The following BRCA2 variants were observed in gnomAD, a reference collection of about 807,000 sequenced individuals.
BRCA2 encodes the protein breast cancer type 2 susceptibility protein.
A neutral mutation model predicts 276.7 loss-of-function variants in BRCA2; 203 were observed. That is an observed-to-expected ratio of 0.73 (90% CI 0.65 to 0.82). The LOEUF (loss-of-function observed/expected upper bound fraction) is 0.82, where lower values mean the gene tolerates loss of function less well. Among genes scored for constraint, BRCA2 ranks in the 40% least tolerant of loss-of-function variants. The probability of loss-of-function intolerance (pLI) is 0.00; values close to 1 mark genes in which losing one functional copy is unlikely to be tolerated. For missense variants in BRCA2, 3,920 were observed against 3,915.0 expected (o/e 1.00, Z -0.03); for synonymous variants, 1,289 against 1,338.4 (o/e 0.96, Z 0.81).
rs55777417 is a variant in BRCA2, at chr13:32,349,216, CAAAA to C, written c.7007+2340_7007+2343del. ...TGGGTGACAGAGTGAGACTCTGTCTCAAAAAAAAAAAAAAAAAAAAAAAGATGGT... is the reference window on the plus strand; with the variant it reads ...TGGGTGACAGAGTGAGACTCTGTCTCAAAAAAAAAAAAAAAAAAAGATGGT... On this transcript the variant is annotated intron_variant, in intron 13 of 26. Coordinates refer to ENST00000380152, the MANE Select transcript of BRCA2 (RefSeq NM_000059.4). Among the ~76,000 whole-genome samples the C allele has an allele frequency of 2.6e-3, 252 of 98,182 alleles. 1 individual carries two copies. The highest frequency in any genetic ancestry group is 0.01 in the African/African-American group (238 of 23,140). The allele number at this position is 98,182 out of a possible 152,430, so 64.4% of individuals were successfully genotyped here. A position where few individuals can be genotyped will look rare whatever the true frequency, so the allele number is the denominator to read the frequency against.
At position 32,379,874 on chromosome 13, in the gene BRCA2, G is replaced by C. The variant is rs1359207910; in HGVS notation, c.9078G>C (p.Gln3026His). The C allele has an allele frequency of 6.2e-7, 1 of 1,613,894 alleles. No individual in the cohort carries two copies. Among genetic ancestry groups the C allele is most frequent in the Non-Finnish European group, 8.5e-7 (1 of 1,179,856 alleles). The change falls in exon 23 of 27, where the codon CAG (glutamine) becomes CAC (histidine). Residue 3026 changes from glutamine to histidine, a missense_variant. Physicochemically the swap from Gln to His is conservative, Grantham distance 24. This residue lies in a region of BRCA2 where 657 missense variants were observed against 758.2 expected (regional missense o/e 0.87). Transcript: ENST00000380152. ...SKSKSERANI[Q>H]LAATKKTQYQ... is the part of the protein sequence containing the mutation. ...GTAAATCTGAAAGAGCTAACATACAGTTAGCAGCGACAAAAAAAACTCAGT... is the reference window on the plus strand; with the variant it reads ...GTAAATCTGAAAGAGCTAACATACACTTAGCAGCGACAAAAAAAACTCAGT...
chr13:32,331,162 G>A lies in BRCA2; in HGVS notation c.793+132G>A, dbSNP rs763635629. 337 of 679,194 alleles carry A rather than the reference G, an allele frequency of 5.0e-4. 1 individual carries two copies. The highest frequency in any genetic ancestry group is 7.5e-4 in the Non-Finnish European group (287 of 380,634). 42.1% of individuals were successfully genotyped at this position (679,194 alleles called of 1,614,324 possible). A position where few individuals can be genotyped will look rare whatever the true frequency, so the allele number is the denominator to read the frequency against. On this transcript the variant is annotated intron_variant, in intron 9 of 26. Coordinates refer to ENST00000380152, the MANE Select transcript of BRCA2 (RefSeq NM_000059.4). ...CAACCTCTGCCTCCCGTGCTCAAGC[G>A]ATCCTGCCTCAGCTTGCCAAGTAGC...
At position 32,362,551 on chromosome 13, in the gene BRCA2, C is replaced by T. The variant is rs771981392; in HGVS notation, c.7834C>T (p.Pro2612Ser). Residue 2612 changes from proline to serine, a missense_variant, in exon 17 of 27, where the codon CCA becomes TCA. Physicochemically the swap from Pro to Ser is moderately conservative, Grantham distance 74. Coordinates refer to ENST00000380152, the MANE Select transcript of BRCA2 (RefSeq NM_000059.4). Reference protein sequence around the residue: ...RALCDTPGVDPKLISRIWVYN... With the variant: ...RALCDTPGVDSKLISRIWVYN... ...TCTGTGTGACACTCCAGGTGTGGAT[C>T]CAAAGCTTATTTCTAGAATTTGGGT... The T allele has an allele frequency of 6.2e-7, 1 of 1,613,926 alleles. No homozygotes were observed. The highest frequency in any genetic ancestry group is 8.5e-7 in the Non-Finnish European group (1 of 1,179,906).
intron 3 of BRCA2, among the ~76,000 whole-genome samples, chr13:32,324,447 A>G (rs2072329242): frequency 6.6e-6 from 1 of 152,242 alleles, no homozygotes. Flanking sequence ...ATAAATATAT[A>G]TATTTCTTAT....
intron 20 of BRCA2, among the ~76,000 whole-genome samples, chr13:32,374,446 C>T (rs534920833): frequency 6.6e-6 from 1 of 152,324 alleles, no homozygotes; most frequent in African/African-American, 2.4e-5. Flanking sequence ...TCTTTGTGAA[C>T]ATGTATGACT....
intron 24 of BRCA2, among the ~76,000 whole-genome samples, chr13:32,387,614 C>T (rs942803594): frequency 1.3e-5 from 2 of 152,170 alleles, no homozygotes; most frequent in Non-Finnish European, 2.9e-5. Flanking sequence ...CGCAGTCATC[C>T]GGAGGCCTAA....
rs1281533073 is a variant in BRCA2 at position 32,399,347 on chromosome 13, A to G, written c.*577A>G. ...GGATTTTTTTTAGAGGTAACTCACT[A>G]TGAAATAGTTCTCCTTAATGCAAAT... On this transcript the variant is annotated 3_prime_UTR_variant, in exon 27 of 27. Transcript: ENST00000380152. The G allele has an allele frequency of 5.2e-6, 1 of 192,122 alleles. No homozygotes were observed. 11.9% of individuals were successfully genotyped at this position (192,122 alleles called of 1,614,324 possible). A position where few individuals can be genotyped will look rare whatever the true frequency, so the allele number is the denominator to read the frequency against.
At chr13:32,374,634 C>G (rs995427720) in intron 20 of BRCA2, among the ~76,000 whole-genome samples, 2 of 152,208 alleles carry the variant, frequency 1.3e-5, no homozygotes, top group Non-Finnish European at 2.9e-5. Context: ...TGCTCCAGTT[C>G]CCAATAAGAT....
Position 32,379,726 on chromosome 13 carries a change from T to A in BRCA2, c.8954-24T>A, listed in dbSNP as rs1243800429. ...AATGATAATCACTTCTTCCATTGCA[T>A]CTTTCTCATCTTTCTCCAAACAGTT... On this transcript the variant is annotated intron_variant, in intron 22 of 26. Transcript: ENST00000380152. The A allele has an allele frequency of 1.9e-6, 3 of 1,601,070 alleles. No homozygotes were observed. The South Asian group carries it at 3.3e-5, about 18-fold the overall frequency.
rs770003991 is a variant in BRCA2 at position 32,394,770 on chromosome 13, T to C, written c.9338T>C (p.Ile3113Thr). 1.2e-5 allele frequency: 20 copies of C among 1,614,000 alleles called. No homozygotes were observed. The highest frequency in any genetic ancestry group is 1.7e-5 in the Non-Finnish European group (20 of 1,179,996). ...TTTTGGATAGACCTTAATGAGGACA[T>C]TATTAAGCCTCATATGTTAATTGCT... ...IKFWIDLNED[I>T]IKPHMLIAAS... The change falls in exon 25 of 27, where the codon ATT (isoleucine) becomes ACT (threonine). Residue 3113 changes from isoleucine (I) to threonine (T), a missense_variant. Ile to Thr is a moderately conservative substitution (Grantham distance 89). Transcript: ENST00000380152.
At chr13:32,350,358 T>C (rs1018368477) in intron 13 of BRCA2, among the ~76,000 whole-genome samples, 1 of 152,212 alleles carries the variant, frequency 6.6e-6, no homozygotes, top group African/African-American at 2.4e-5. Flanking sequence ...GCTAAGAGTT[T>C]AGATGTGAAT....
intron 7 of BRCA2, among the ~76,000 whole-genome samples, chr13:32,328,367 G>A (rs1035328793): frequency 9.3e-5 from 14 of 151,282 alleles, no homozygotes; most frequent in South Asian, 2.1e-4. Flanking sequence ...TTAGACTCCC[G>A]AGTAGCTGGG....
At position 32,332,373 on chromosome 13, in the gene BRCA2, G is replaced by C. The variant is rs2072399652; in HGVS notation, c.895G>C (p.Val299Leu). ...CCTAGAAGATGAAGTATATGAAACA[G>C]TTGTAGATACCTCTGAAGAAGATAG... ...NVLEDEVYETVVDTSEEDSFS... is the reference protein window; with the variant it reads ...NVLEDEVYETLVDTSEEDSFS... The change falls in exon 10 of 27, where the codon GTT becomes CTT. Residue 299 changes from valine (V) to leucine (L), a missense_variant. By Grantham distance (32) the Val-to-Leu change is conservative (BLOSUM62 1). Coordinates refer to ENST00000380152, the MANE Select transcript of BRCA2 (RefSeq NM_000059.4). 6.3e-7 allele frequency: 1 copy of C among 1,595,224 alleles called. No homozygotes were observed.
chr13:32,329,558 T>C (rs145599235), intron 8 of BRCA2, 66 bp downstream of exon 8: 12 of 1,220,962 alleles, frequency 9.8e-6, no homozygotes, highest in Non-Finnish European at 1.4e-5. Context: ...CTTGTTAAAT[T>C]ATTTATCTTA....
At chr13:32,367,938 A>G (rs1302157738) in intron 18 of BRCA2, among the ~76,000 whole-genome samples, 1 of 151,656 alleles carries the variant, frequency 6.6e-6, no homozygotes, top group Non-Finnish European at 1.5e-5. Context: ...CAAATAAGGA[A>G]TAATAGAATT....
intron 13 of BRCA2, among the ~76,000 whole-genome samples, chr13:32,353,442 G>A (rs540249365): frequency 7.9e-5 from 12 of 150,950 alleles, no homozygotes; most frequent in African/African-American, 1.9e-4. Context: ...GAACTATTCC[G>A]TGGTGTGCCA....
chr13:32,358,004 C>A (rs553623899), intron 16 of BRCA2, 75 bp downstream of exon 16: 2 of 1,524,390 alleles, frequency 1.3e-6, no homozygotes, highest in Non-Finnish European at 1.8e-6. Context: ...AACTGTCTCT[C>A]GAACTAAAAA....
At chr13:32,327,672 C>CAA (rs760842499) in intron 7 of BRCA2, among the ~76,000 whole-genome samples, 2 of 119,988 alleles carry the variant, frequency 1.7e-5, no homozygotes, top group African/African-American at 3.1e-5. Flanking sequence ...GACTCTGTCT[C>CAA]AAAAAAAAAA....
At chr13:32,373,983 T>G (rs1722446408) in intron 20 of BRCA2, among the ~76,000 whole-genome samples, 1 of 152,232 alleles carries the variant, frequency 6.6e-6, no homozygotes, top group South Asian at 2.1e-4. Flanking sequence ...ACAGCTGAAC[T>G]CTTGTCTTCT....
Sources: gnomAD v4.1 joint callset for allele counts (sites outside exome capture counted in the v4.1 genomes callset) on GRCh38, gnomAD v4.1.1 for gene constraint, gnomAD v4.1.1 regional missense constraint, MANE v1.5 for transcripts, NCBI Gene and HGNC (gene_info 2026-07-23, HGNC 2026-07-21) for gene names.